SHMT1: variants seen among roughly 807,000 people sequenced by gnomAD.
SHMT1 encodes serine hydroxymethyltransferase, cytosolic.
In SHMT1, 45 loss-of-function variants were observed where a neutral mutation model predicts 49.0. That is an observed-to-expected ratio of 0.92 (90% CI 0.72 to 1.18). The LOEUF is 1.18. Among genes scored for constraint, SHMT1 ranks in the 50% most tolerant of loss-of-function variants. SHMT1 has a pLI of 0.00. For missense variants in SHMT1, 541 were observed against 612.4 expected, an observed-to-expected ratio of 0.88 and a Z score of 1.23; for synonymous variants, 232 against 246.6, an observed-to-expected ratio of 0.94 and a Z score of 0.55.
At chr17:18,331,039 A>G (rs913565032) in intron 9 of SHMT1, 37 of 361,648 alleles carry the variant, frequency 1.0e-4, no homozygotes, top group South Asian at 6.7e-4. Flanking sequence ...CAGCAGTTCA[A>G]TTTACTTTGG....
rs1375419848 is a variant in SHMT1, at chr17:18,335,545, AGAT to A, written c.931+11_931+13del. On this transcript the variant is annotated intron_variant, in intron 8 of 11. Transcript: ENST00000316694. ...TAGGGGCTACAGGATGAGCAGAGGC[AGAT>A]GATGTTTTACCAGCAATGGCGTGGT... The A allele has an allele frequency of 6.4e-7, 1 of 1,554,812 alleles. No homozygotes were observed.
At chr17:18,346,185 A>G (rs1985064510) in intron 5 of SHMT1, among the ~76,000 whole-genome samples, 1 of 152,096 alleles carries the variant, frequency 6.6e-6, no homozygotes, top group Non-Finnish European at 1.5e-5. Context: ...ACCCAAGACC[A>G]TGCAATGCCA....
chr17:18,355,152 G>C (rs1472354447), intron 2 of SHMT1, among the ~76,000 whole-genome samples: 1 of 146,632 alleles, frequency 6.8e-6, no homozygotes, highest in Admixed American at 7.0e-5. Flanking sequence ...GGCGGATCAC[G>C]AGGTCAGGAG....
intron 3 of SHMT1, among the ~76,000 whole-genome samples, chr17:18,351,620 ATAAG>A (rs1292849089): frequency 6.6e-6 from 1 of 151,950 alleles, no homozygotes; most frequent in Admixed American, 6.6e-5. Context: ...AAATAAATAA[ATAAG>A]TTAGTCGGGT....
intron 1 of SHMT1, among the ~76,000 whole-genome samples, chr17:18,358,781 T>C (rs565638343): frequency 1.2e-4 from 18 of 152,216 alleles, no homozygotes; most frequent in Admixed American, 1.1e-3. Context: ...CATGCATCTG[T>C]AGTCCCAGCT....
chr17:18,354,584 G>A (rs555334110), intron 2 of SHMT1, among the ~76,000 whole-genome samples: 1 of 151,966 alleles, frequency 6.6e-6, no homozygotes, highest in Non-Finnish European at 1.5e-5. Flanking sequence ...AAACAAGAGC[G>A]AGACTTCATC....
chr17:18,361,915 A>G lies in SHMT1; in HGVS notation c.-20+1457T>C, dbSNP rs77062079. On this transcript the variant is annotated intron_variant, in intron 1 of 11. Coordinates refer to ENST00000316694, the MANE Select transcript of SHMT1 (RefSeq NM_004169.5). ...ATTACAACATTGGATATTTCTGTAG[A>G]GGCACTGTTGCTCATGTGTGGCATG... 7.9e-3 allele frequency among the ~76,000 whole-genome samples: 1,196 copies of G among 152,280 alleles called. 26 individuals carry two copies. Among genetic ancestry groups the G allele is most frequent in the Admixed American group, 0.039 (590 of 15,270 alleles).
chr17:18,358,150 T>TG (rs1555587654), intron 1 of SHMT1, among the ~76,000 whole-genome samples: 2 of 113,490 alleles, frequency 1.8e-5, no homozygotes, highest in Non-Finnish European at 3.5e-5. Context: ...CTAGGACTCT[T>TG]AAAAAAAAAA....
chr17:18,332,558 T>C (rs1028577897), intron 9 of SHMT1: 7 of 182,910 alleles, frequency 3.8e-5, no homozygotes, highest in South Asian at 3.6e-4. Flanking sequence ...GGACTGAGTA[T>C]GCTGCCTGCC....
At chr17:18,329,890 G>A (rs2151561398) in intron 10 of SHMT1, among the ~76,000 whole-genome samples, 1 of 152,302 alleles carries the variant, frequency 6.6e-6, no homozygotes, top group South Asian at 2.1e-4. Flanking sequence ...TTGAGACGGA[G>A]TCTCACTGTC....
At chr17:18,352,345 A>G (rs932817093) in intron 3 of SHMT1, among the ~76,000 whole-genome samples, 4 of 151,694 alleles carry the variant, frequency 2.6e-5, no homozygotes, top group African/African-American at 9.7e-5. Context: ...ACGGGGTTTC[A>G]CCGTGTTAGC....
intron 5 of SHMT1, among the ~76,000 whole-genome samples, chr17:18,341,842 G>T (rs1390455311): frequency 6.6e-6 from 1 of 152,118 alleles, no homozygotes; most frequent in East Asian, 1.9e-4. Flanking sequence ...GAAGGGCAGA[G>T]CATCTGGCTT....
intron 7 of SHMT1, among the ~76,000 whole-genome samples, chr17:18,337,547 T>C (rs913527553): frequency 6.7e-6 from 1 of 149,520 alleles, no homozygotes; most frequent in African/African-American, 2.5e-5. Flanking sequence ...AACAGCCCTC[T>C]CCCTCTCCCT....
intron 5 of SHMT1, among the ~76,000 whole-genome samples, chr17:18,345,203 A>T (rs1296043371): frequency 1.3e-5 from 2 of 152,176 alleles, no homozygotes; most frequent in Admixed American, 1.3e-4. Context: ...TGCAGCCTGC[A>T]CAATGTACAT....
chr17:18,345,749 T>C (rs1336766429), intron 5 of SHMT1, among the ~76,000 whole-genome samples: 2 of 151,908 alleles, frequency 1.3e-5, no homozygotes, highest in African/African-American at 4.8e-5. Context: ...GGAGCAATCT[T>C]GGCTCACTGC....
Position 18,340,819 on chromosome 17 carries a change from G to C in SHMT1, c.520-6C>G, listed in dbSNP as rs377036954. Reference sequence around the variant, plus strand: ...TAGCCAGTATCTGGGTTCACCTGTGGAATGTCAGGGAGGCAGGTTCAGGCT... The same window carrying C: ...TAGCCAGTATCTGGGTTCACCTGTGCAATGTCAGGGAGGCAGGTTCAGGCT... On this transcript the variant is annotated splice_region_variant and splice_polypyrimidine_tract_variant and intron_variant, in intron 5 of 11. Transcript: ENST00000316694. The surrounding 1 kb of genome is among the most constrained non-coding windows in gnomAD (Gnocchi z 4.5). The C allele has an allele frequency of 8.6e-5, 138 of 1,611,588 alleles. No homozygotes were observed. In the African/African-American group the frequency reaches 1.6e-3, roughly 18 times the overall value.
At position 18,355,559 on chromosome 17, in the gene SHMT1, GTAAAA is replaced by G. The variant is rs1035477470; in HGVS notation, c.96+322_96+326del. Among the ~76,000 whole-genome samples, 167 of 151,866 alleles carry G rather than the reference GTAAAA, an allele frequency of 1.1e-3. 1 individual carries two copies. Among genetic ancestry groups the G allele is most frequent in the African/African-American group, 3.9e-3 (161 of 41,436 alleles). ...CTGTCTCAAAAAAATAAATAAACAA[GTAAAA>G]TAAAATAAAATAAAGGTGCTTTCAG... On this transcript the variant is annotated intron_variant, in intron 2 of 11. Transcript: ENST00000316694.
At position 18,341,053 on chromosome 17, in the gene SHMT1, C is replaced by T; in HGVS notation, c.520-240G>A. 4 of 561,612 alleles carry T rather than the reference C, an allele frequency of 7.1e-6. No individual in the cohort carries two copies. In the South Asian group the frequency reaches 8.0e-5, roughly 11 times the overall value. 34.8% of individuals were successfully genotyped at this position (561,612 alleles called of 1,614,324 possible). On this transcript the variant is annotated intron_variant, in intron 5 of 11. Transcript: ENST00000316694. ...GTGAGCCCTGCTGCTGGGGCACTAC[C>T]TGCTGAGAAGGAACCAAAAAGCACC...
chr17:18,333,112 A>C, intron 9 of SHMT1, 54 bp downstream of exon 9: 1 of 1,609,092 alleles, frequency 6.2e-7, no homozygotes, highest in African/African-American at 1.3e-5. Flanking sequence ...ACTGAGAAGC[A>C]AGCCTTAATA....
Sources: allele counts gnomAD v4.1 joint callset (sites outside exome capture counted in the v4.1 genomes callset), GRCh38; gene constraint gnomAD v4.1.1; non-coding constraint Gnocchi (gnomAD v3.1); transcripts MANE v1.5; gene names NCBI Gene and HGNC (gene_info 2026-07-23, HGNC 2026-07-21).